The following GBE1 variants were observed in gnomAD, a reference collection of about 807,000 sequenced individuals.
The protein encoded by GBE1 is 1,4-alpha-glucan-branching enzyme.
GBE1 carries 70 observed loss-of-function variants against 88.8 expected under a neutral mutation model. The observed-to-expected ratio is 0.79, with a 90% confidence interval of 0.65 to 0.96. The LOEUF (loss-of-function observed/expected upper bound fraction) is 0.96. Among genes scored for constraint, GBE1 ranks in the 40% least tolerant of loss-of-function variants. The pLI, the probability that GBE1 is intolerant of heterozygous loss-of-function variation, is 0.00. For synonymous variants in GBE1, 284 were observed against 300.1 expected (o/e 0.95, Z 0.56); for missense variants, 872 against 871.0 (o/e 1.00, Z -0.01).
chr3:81,741,443 A>C (rs1706348003), intron 1 of GBE1, among the ~76,000 whole-genome samples: 1 of 152,178 alleles, frequency 6.6e-6, no homozygotes, highest in Non-Finnish European at 1.5e-5. Context: ...GCAACCACAA[A>C]ATTCCCAAAT....
chr3:81,600,219 C>T (rs1011611118), intron 7 of GBE1, among the ~76,000 whole-genome samples: 6 of 151,882 alleles, frequency 4.0e-5, no homozygotes, highest in Admixed American at 1.3e-4. Context: ...CGCGATTGTG[C>T]CAATGCACTC....
At chr3:81,577,400 G>A (rs1021723570) in intron 12 of GBE1, among the ~76,000 whole-genome samples, 2 of 152,000 alleles carry the variant, frequency 1.3e-5, no homozygotes, top group East Asian at 1.9e-4. Flanking sequence ...TATTTCAAGA[G>A]CTTTCAGACA....
At chr3:81,669,725 T>A (rs918718911) in intron 3 of GBE1, among the ~76,000 whole-genome samples, 5 of 152,116 alleles carry the variant, frequency 3.3e-5, no homozygotes, top group African/African-American at 1.2e-4. Flanking sequence ...TTCCTCTTAT[T>A]GTATACTGTC....
chr3:81,608,824 T>C (rs534166996), intron 7 of GBE1, among the ~76,000 whole-genome samples: 1 of 152,320 alleles, frequency 6.6e-6, no homozygotes, highest in African/African-American at 2.4e-5. Flanking sequence ...TCAAAATCTT[T>C]ACTTTTACCT....
intron 1 of GBE1, 124 bp downstream of exon 1, chr3:81,761,250 AC>A (rs1706679513): frequency 7.8e-7 from 1 of 1,288,332 alleles, no homozygotes; most frequent in Non-Finnish European, 1.1e-6. Context: ...AGCCCCGCCC[AC>A]TCAGGTTCCT....
chr3:81,737,390 TATATAA>T lies in GBE1; in HGVS notation c.143+23979_143+23984del, dbSNP rs1393109813. ...ATTTATATATATTTTTATATATATTTATATAAATATATTTTTATATATTTATATAAA... is the reference window on the plus strand; with the variant it reads ...ATTTATATATATTTTTATATATATTTATATATTTTTATATATTTATATAAA... On this transcript the variant is annotated intron_variant, in intron 1 of 15. Transcript: ENST00000429644. Among the ~76,000 whole-genome samples the T allele has an allele frequency of 4.9e-3, 170 of 34,544 alleles. 3 individuals carry two copies. The South Asian group carries it at 0.059, about 12-fold the overall frequency. The allele number at this position is 34,544 out of a possible 152,430, so 22.7% of individuals were successfully genotyped here.
chr3:81,720,954 A>G (rs1022446316), intron 1 of GBE1, among the ~76,000 whole-genome samples: 1 of 129,158 alleles, frequency 7.7e-6, no homozygotes, highest in South Asian at 2.7e-4. Flanking sequence ...CGCAAGAACA[A>G]AAAACCAAAC....
At chr3:81,625,536 T>G (rs1443163015) in intron 7 of GBE1, among the ~76,000 whole-genome samples, 2 of 152,112 alleles carry the variant, frequency 1.3e-5, no homozygotes, top group East Asian at 3.9e-4. Flanking sequence ...ACTCTTGGGC[T>G]CAAGCAATCC....
At chr3:81,706,666 T>C (rs1350977280) in intron 1 of GBE1, among the ~76,000 whole-genome samples, 1 of 152,154 alleles carries the variant, frequency 6.6e-6, no homozygotes, top group Non-Finnish European at 1.5e-5. Context: ...TGCAGAATAA[T>C]GAACCACATC....
intron 1 of GBE1, among the ~76,000 whole-genome samples, chr3:81,736,841 T>TA (rs907095910): frequency 6.6e-6 from 1 of 152,170 alleles, no homozygotes; most frequent in Non-Finnish European, 1.5e-5. Context: ...ATGTAATTGT[T>TA]ACATACCATT....
At chr3:81,527,455 T>G (rs1702957630) in intron 14 of GBE1, among the ~76,000 whole-genome samples, 2 of 152,098 alleles carry the variant, frequency 1.3e-5, no homozygotes, top group Admixed American at 1.3e-4. Context: ...GGGAGAAAAT[T>G]TTTGCAATCT....
chr3:81,758,280 AG>A (rs1483023246), intron 1 of GBE1, among the ~76,000 whole-genome samples: 3 of 152,232 alleles, frequency 2.0e-5, no homozygotes, highest in African/African-American at 7.2e-5. Flanking sequence ...CATTAAACAG[AG>A]GGTATAAAGT....
rs143485983 is a variant in GBE1, at chr3:81,563,455, T to A, written c.1618+14470A>T. On this transcript the variant is annotated intron_variant, in intron 12 of 15. Coordinates refer to ENST00000429644, the MANE Select transcript of GBE1 (RefSeq NM_000158.4). Reference sequence around the variant, plus strand: ...TGCATGTCCAACAATAAAGTGAGGCTGTCACTCAGGTGGGTCTTTGGGATC... The same window carrying A: ...TGCATGTCCAACAATAAAGTGAGGCAGTCACTCAGGTGGGTCTTTGGGATC... Among the ~76,000 whole-genome samples, 222 of 152,240 alleles carry A rather than the reference T, an allele frequency of 1.5e-3. 2 individuals are homozygous for A. The highest frequency in any genetic ancestry group is 5.2e-3 in the African/African-American group (216 of 41,564).
intron 1 of GBE1, among the ~76,000 whole-genome samples, chr3:81,709,518 C>G (rs1559695236): frequency 6.6e-6 from 1 of 151,902 alleles, no homozygotes; most frequent in Non-Finnish European, 1.5e-5. Context: ...ACTGATTTTC[C>G]AAAAAGGTAT....
At chr3:81,580,648 G>A (rs957967363) in intron 11 of GBE1, among the ~76,000 whole-genome samples, 3 of 152,124 alleles carry the variant, frequency 2.0e-5, no homozygotes, top group East Asian at 1.9e-4. Context: ...TTGACAAGAC[G>A]AGCTTTCCTC....
chr3:81,527,171 A>G (rs1285111730), intron 14 of GBE1, among the ~76,000 whole-genome samples: 2 of 152,162 alleles, frequency 1.3e-5, no homozygotes, highest in African/African-American at 4.8e-5. Flanking sequence ...AGCCATATGC[A>G]GAAAGGTGAA....
chr3:81,691,758 G>A (rs1456516545), intron 2 of GBE1, among the ~76,000 whole-genome samples: 1 of 152,104 alleles, frequency 6.6e-6, no homozygotes, highest in Non-Finnish European at 1.5e-5. Flanking sequence ...AGGTGACAGA[G>A]CAAGACCAGG....
intron 7 of GBE1, among the ~76,000 whole-genome samples, chr3:81,626,105 G>A (rs1208652200): frequency 6.6e-6 from 1 of 152,148 alleles, no homozygotes; most frequent in East Asian, 1.9e-4. Flanking sequence ...AACAATGCCG[G>A]CACTGCTCAG....
chr3:81,671,349 A>C (rs1705187016), intron 2 of GBE1, among the ~76,000 whole-genome samples: 2 of 152,172 alleles, frequency 1.3e-5, no homozygotes, highest in Admixed American at 6.5e-5. Flanking sequence ...CAAACCATTA[A>C]AATCATATAA....
Sources: allele counts gnomAD v4.1 joint callset (sites outside exome capture counted in the v4.1 genomes callset), GRCh38; gene constraint gnomAD v4.1.1; transcripts MANE v1.5; gene names NCBI Gene and HGNC (gene_info 2026-07-23, HGNC 2026-07-21).